IBTK: variants seen among roughly 807,000 people sequenced by gnomAD.
IBTK encodes the protein BTK-binding protein.
IBTK carries 83 observed loss-of-function variants against 154.9 expected under a neutral mutation model. The ratio of observed to expected loss-of-function variants is 0.54; its 90% CI spans 0.45 to 0.64. The LOEUF (loss-of-function observed/expected upper bound fraction) is 0.64, where lower values mean the gene tolerates loss of function less well. IBTK is among the 30% of genes least tolerant of loss of function. IBTK has a pLI of 0.00. For synonymous variants in IBTK, 515 were observed against 536.1 expected (o/e 0.96, Z 0.54); for missense variants, 1,332 against 1,584.6 (o/e 0.84, Z 2.71).
intron 26 of IBTK, among the ~76,000 whole-genome samples, 167 bp downstream of exon 26, chr6:82,181,711 AT>A (rs1352023819): frequency 2.0e-5 from 3 of 152,126 alleles, no homozygotes; most frequent in Admixed American, 6.5e-5. Flanking sequence ...AACCGTTTCA[AT>A]TTTTTTTAAG....
chr6:82,206,246 A>G (rs1445174609), intron 16 of IBTK, among the ~76,000 whole-genome samples: 1 of 152,176 alleles, frequency 6.6e-6, no homozygotes, highest in Admixed American at 6.5e-5. Flanking sequence ...CCTAGTAGCC[A>G]CAGGAGACAG....
Position 82,182,032 on chromosome 6 carries a change from C to T in IBTK, c.3576-4G>A. 6.3e-7 allele frequency: 1 copy of T among 1,586,212 alleles called. No individual in the cohort carries two copies. Among genetic ancestry groups the T allele is most frequent in the Non-Finnish European group, 8.5e-7 (1 of 1,173,900 alleles). ...AACTGAATGCAGAGAAGATGCCCTG[C>T]AAAAGAAAGCAAAGATCATGTTAAA... On this transcript the variant is annotated splice_region_variant and splice_polypyrimidine_tract_variant and intron_variant, in intron 25 of 28. Transcript: ENST00000306270.
rs372562068 is a variant in IBTK at position 82,191,769 on chromosome 6, G to C, written c.3431+18C>G. 1.1e-5 allele frequency: 16 copies of C among 1,393,680 alleles called. No individual in the cohort carries two copies. The highest frequency in any genetic ancestry group is 1.5e-5 in the Non-Finnish European group (15 of 980,540). 86.3% of individuals were successfully genotyped at this position (1,393,680 alleles called of 1,614,324 possible). A position where few individuals can be genotyped will look rare whatever the true frequency, so the allele number is the denominator to read the frequency against. ...GAAATACAACATGAAATGATCTTTT[G>C]TAATGTTTTCAACCCACCCTAAATG... On this transcript the variant is annotated intron_variant, in intron 24 of 28. Transcript: ENST00000306270.
chr6:82,245,164 G>T (rs1771096971), intron 1 of IBTK, among the ~76,000 whole-genome samples: 1 of 152,050 alleles, frequency 6.6e-6, no homozygotes, highest in African/African-American at 2.4e-5. Context: ...ATAAACCTAT[G>T]GTCAAGATAA....
rs138855776 is a variant in IBTK, at chr6:82,171,944, C to T, written c.3931-388G>A. 1.4e-3 allele frequency among the ~76,000 whole-genome samples: 206 copies of T among 152,246 alleles called. 1 individual carries two copies. The highest frequency in any genetic ancestry group is 7.6e-3 in the Admixed American group (116 of 15,292). Reference sequence around the variant, plus strand: ...CTATGCGTCTTTTCTGTTTCCAAGCCTGGCTGTCTGGTCTTTCAGCTAAGT... The same window carrying T: ...CTATGCGTCTTTTCTGTTTCCAAGCTTGGCTGTCTGGTCTTTCAGCTAAGT... On this transcript the variant is annotated intron_variant, in intron 28 of 28. Coordinates refer to ENST00000306270, the MANE Select transcript of IBTK (RefSeq NM_015525.4).
intron 10 of IBTK, 137 bp from the exon 11 acceptor site, chr6:82,216,387 T>C (rs1769875714): frequency 1.6e-6 from 1 of 614,846 alleles, no homozygotes; most frequent in Non-Finnish European, 2.8e-6. Flanking sequence ...TTTGAAGAAC[T>C]ACATCCTCTC....
rs1768553785 is a variant in IBTK at position 82,186,291 on chromosome 6, C to A, written c.3576-4263G>T. Among the ~76,000 whole-genome samples, 8 of 152,108 alleles carry A rather than the reference C, an allele frequency of 5.3e-5. No homozygotes were observed. The South Asian group carries it at 1.7e-3, about 31-fold the overall frequency. Reference sequence around the variant, plus strand: ...TCAAGTGAAAGAAAAAGTCACATGTCTCTCACTTTAAATCAAAAGCTAGAA... The same window carrying A: ...TCAAGTGAAAGAAAAAGTCACATGTATCTCACTTTAAATCAAAAGCTAGAA... On this transcript the variant is annotated intron_variant, in intron 25 of 28. Coordinates refer to ENST00000306270, the MANE Select transcript of IBTK (RefSeq NM_015525.4).
At chr6:82,220,214 A>G (rs937734273) in intron 9 of IBTK, among the ~76,000 whole-genome samples, 1 of 152,220 alleles carries the variant, frequency 6.6e-6, no homozygotes, top group African/African-American at 2.4e-5. Flanking sequence ...TCTCAAAAAA[A>G]ATAAATAAAT....
rs372839025 is a variant in IBTK at position 82,194,029 on chromosome 6, G to A, written c.3338+450C>T. On this transcript the variant is annotated intron_variant, in intron 23 of 28. Coordinates refer to ENST00000306270, the MANE Select transcript of IBTK (RefSeq NM_015525.4). ...ATGAAAAAATATATATATAATATAG[G>A]CAAGTTAAAAGGATAGTATAACATT... 9.9e-5 allele frequency among the ~76,000 whole-genome samples: 15 copies of A among 152,018 alleles called. No individual in the cohort carries two copies. In the East Asian group the frequency reaches 2.9e-3, roughly 29 times the overall value.
In IBTK at chr6:82,227,237, A is replaced by C; in HGVS notation, c.609T>G (p.His203Gln). 1.2e-6 allele frequency: 2 copies of C among 1,613,248 alleles called. No individual in the cohort carries two copies. Among genetic ancestry groups the C allele is most frequent in the Non-Finnish European group, 1.7e-6 (2 of 1,179,534 alleles). The change falls in exon 5 of 29, where the codon CAT (histidine) becomes CAG (glutamine). Residue 203 changes from histidine (H) to glutamine (Q), a missense_variant. His to Gln is a conservative substitution (Grantham distance 24, BLOSUM62 0). This residue lies in a region of IBTK where 114 missense variants were observed against 213.7 expected (regional missense o/e 0.53). Coordinates refer to ENST00000306270, the MANE Select transcript of IBTK (RefSeq NM_015525.4). ...CATGTCCTAATCGCCCTCCAGGACC[A>C]TGACCACAGGTATAAACCTGCCCTT... ...SQKGQVYTCGHGPGGRLGHGD... is the reference protein window; with the variant it reads ...SQKGQVYTCGQGPGGRLGHGD...
rs532772526 is a variant in IBTK at position 82,246,237 on chromosome 6, A to C, written c.-358+1325T>G. On this transcript the variant is annotated intron_variant, in intron 1 of 28. Transcript: ENST00000306270. ...AATTCAATTCAAAATAATTGAATTCAAAAGCAGTTTGGTAGGGCAGCTGGA... is the reference window on the plus strand; with the variant it reads ...AATTCAATTCAAAATAATTGAATTCCAAAGCAGTTTGGTAGGGCAGCTGGA... Among the ~76,000 whole-genome samples, 3 of 152,274 alleles carry C rather than the reference A, an allele frequency of 2.0e-5. No individual in the cohort carries two copies. In the East Asian group the frequency reaches 5.8e-4, roughly 29 times the overall value.
At chr6:82,242,262 G>A (rs747849076) in intron 1 of IBTK, among the ~76,000 whole-genome samples, 27 of 152,060 alleles carry the variant, frequency 1.8e-4, no homozygotes, top group Middle Eastern at 3.4e-3. Context: ...TCAGCTACTC[G>A]AGAGGCTGAG....
At chr6:82,177,102 C>A (rs758276329) in intron 26 of IBTK, among the ~76,000 whole-genome samples, 4 of 152,172 alleles carry the variant, frequency 2.6e-5, no homozygotes, top group Non-Finnish European at 4.4e-5. Flanking sequence ...AACACCAGCC[C>A]ATGCTCAGTT....
Position 82,233,155 on chromosome 6 carries a change from C to CAAAAAAAAA in IBTK, c.418+995_418+1003dup, listed in dbSNP as rs35870814. Among the ~76,000 whole-genome samples, 17 of 93,366 alleles carry CAAAAAAAAA rather than the reference C, an allele frequency of 1.8e-4. 1 individual carries two copies. The highest frequency in any genetic ancestry group is 5.8e-4 in the African/African-American group (16 of 27,366). 61.3% of individuals were successfully genotyped at this position (93,366 alleles called of 152,430 possible). A position where few individuals can be genotyped will look rare whatever the true frequency, so the allele number is the denominator to read the frequency against. ...CTGGGCAACAAGAGCGAAACTGTCT[C>CAAAAAAAAA]AAAAAAAAAAAAAAAAAAAAAATTA... On this transcript the variant is annotated intron_variant, in intron 3 of 28. Transcript: ENST00000306270.
In IBTK at chr6:82,240,239, T is replaced by G; in HGVS notation, c.248A>C (p.Lys83Thr). The G allele has an allele frequency of 6.2e-7, 1 of 1,614,238 alleles. No homozygotes were observed. The highest frequency in any genetic ancestry group is 8.5e-7 in the Non-Finnish European group (1 of 1,180,020). ...QKGVDLLVKD[K>T]ESGWTALHRS... ...GTGCAATGCTGTCCATCCAGACTCTTTGTCTTTCACCAACAGATCCACTCC... is the reference window on the plus strand; with the variant it reads ...GTGCAATGCTGTCCATCCAGACTCTGTGTCTTTCACCAACAGATCCACTCC... Residue 83 changes from lysine to threonine, a missense_variant, in exon 2 of 29, where the codon AAA becomes ACA. Transcript: ENST00000306270.
chr6:82,208,382 G>GAA (rs1251054946), intron 16 of IBTK, among the ~76,000 whole-genome samples: 1 of 151,866 alleles, frequency 6.6e-6, no homozygotes, highest in Non-Finnish European at 1.5e-5. Context: ...AAACATACAG[G>GAA]GTAATCATCA....
chr6:82,171,600 T>C (rs1323713440), intron 28 of IBTK, 44 bp from the exon 29 acceptor site: 4 of 1,519,002 alleles, frequency 2.6e-6, no homozygotes, highest in Admixed American at 2.0e-5. Flanking sequence ...CTTTTAATTA[T>C]AAACTAAGCA....
chr6:82,214,843 A>C lies in IBTK; in HGVS notation c.1602-14T>G. ...ATTTCATAAAGGCTAGAAAGAAGACAAAAACAAATTATGCTTCAAAAAATA... is the reference window on the plus strand; with the variant it reads ...ATTTCATAAAGGCTAGAAAGAAGACCAAAACAAATTATGCTTCAAAAAATA... On this transcript the variant is annotated splice_polypyrimidine_tract_variant and intron_variant, in intron 11 of 28. Coordinates refer to ENST00000306270, the MANE Select transcript of IBTK (RefSeq NM_015525.4). 6.5e-7 allele frequency: 1 copy of C among 1,532,242 alleles called. No individual in the cohort carries two copies. The highest frequency in any genetic ancestry group is 1.3e-5 in the South Asian group (1 of 77,448). 94.9% of individuals were successfully genotyped at this position (1,532,242 alleles called of 1,614,324 possible).
intron 26 of IBTK, among the ~76,000 whole-genome samples, chr6:82,181,585 G>C (rs1768318511): frequency 6.6e-6 from 1 of 152,122 alleles, no homozygotes; most frequent in African/African-American, 2.4e-5. Flanking sequence ...TGAAAATGAT[G>C]CTTATGTTCA....
Sources: allele counts gnomAD v4.1 joint callset (sites outside exome capture counted in the v4.1 genomes callset), GRCh38; gene constraint gnomAD v4.1.1; regional missense constraint gnomAD v4.1.1; transcripts MANE v1.5; gene names NCBI Gene and HGNC (gene_info 2026-07-23, HGNC 2026-07-21).